ZBTB20: variants seen among roughly 807,000 people sequenced by gnomAD.
ZBTB20 encodes the protein zinc finger and BTB domain-containing protein 20.
A neutral mutation model predicts 56.9 loss-of-function variants in ZBTB20; 9 were observed. The ratio of observed to expected loss-of-function variants is 0.16; its 90% CI spans 0.10 to 0.28. ZBTB20 has a LOEUF of 0.28. ZBTB20 is among the 10% of genes least tolerant of loss of function. ZBTB20 has a pLI of 1.00. For synonymous variants in ZBTB20, 417 were observed against 420.7 expected, an observed-to-expected ratio of 0.99 and a Z score of 0.11; for missense variants, 655 against 1,003.0, an observed-to-expected ratio of 0.65 and a Z score of 4.69.
chr3:114,503,079 G>T, intron 6 of ZBTB20, among the ~76,000 whole-genome samples: 1 of 152,122 alleles, frequency 6.6e-6, no homozygotes. Context: ...TTAAATTTTT[G>T]ATGTGATCAA....
intron 6 of ZBTB20, among the ~76,000 whole-genome samples, chr3:114,555,767 T>C (rs186403782): frequency 1.5e-4 from 23 of 152,226 alleles, no homozygotes; most frequent in Admixed American, 1.4e-3. Context: ...GGCTGGTATG[T>C]GCATCATGAA....
chr3:114,381,972 A>G (rs559161553), intron 8 of ZBTB20, among the ~76,000 whole-genome samples: 1 of 152,350 alleles, frequency 6.6e-6, no homozygotes, highest in South Asian at 2.1e-4. Context: ...TTGAGTGTCT[A>G]CATGGACCCT....
At chr3:114,768,109 T>G (rs1477942367) in intron 5 of ZBTB20, among the ~76,000 whole-genome samples, 1 of 152,010 alleles carries the variant, frequency 6.6e-6, no homozygotes, top group Non-Finnish European at 1.5e-5. Flanking sequence ...CAAGCCATAA[T>G]AAATGGTTGG....
At chr3:114,354,062 A>G (rs1291668190) in intron 10 of ZBTB20, among the ~76,000 whole-genome samples, 1 of 152,200 alleles carries the variant, frequency 6.6e-6, no homozygotes, top group African/African-American at 2.4e-5. Flanking sequence ...ACCTCCAGCT[A>G]CTTCTATACC....
chr3:114,900,459 T>C (rs994738983), intron 3 of ZBTB20, 117 bp from the exon 4 acceptor site: 5 of 151,722 alleles, frequency 3.3e-5, no homozygotes, highest in African/African-American at 1.2e-4. Context: ...AAGAGGTAAA[T>C]TATTTTTTAT....
chr3:115,146,968 A>C (rs1282436697), intron 1 of ZBTB20, among the ~76,000 whole-genome samples: 1 of 150,026 alleles, frequency 6.7e-6, no homozygotes, highest in African/African-American at 2.4e-5. Context: ...GGCGCTAAGA[A>C]GGGCGCCGGG....
intron 6 of ZBTB20, among the ~76,000 whole-genome samples, chr3:114,620,406 C>T (rs774707210): frequency 3.0e-4 from 45 of 152,134 alleles, no homozygotes; most frequent in Non-Finnish European, 4.7e-4. Flanking sequence ...GATTCTCCTG[C>T]CTCAGCCTCC....
At chr3:114,785,379 C>A (rs1187604279) in intron 5 of ZBTB20, among the ~76,000 whole-genome samples, 1 of 152,050 alleles carries the variant, frequency 6.6e-6, no homozygotes, top group Non-Finnish European at 1.5e-5. Context: ...AAATTATATT[C>A]TCTTTGTACG....
At chr3:114,499,074 G>T (rs1412678411) in intron 7 of ZBTB20, among the ~76,000 whole-genome samples, 1 of 152,196 alleles carries the variant, frequency 6.6e-6, no homozygotes, top group South Asian at 2.1e-4. Flanking sequence ...AGGTAACTGA[G>T]GGGAGGGCTG....
At chr3:114,522,220 A>G (rs147767928) in intron 6 of ZBTB20, among the ~76,000 whole-genome samples, 1 of 152,284 alleles carries the variant, frequency 6.6e-6, no homozygotes, top group African/African-American at 2.4e-5. Context: ...AATTGAGCAA[A>G]GACCTGAAGA....
chr3:114,627,810 A>C (rs1262890510), intron 6 of ZBTB20, among the ~76,000 whole-genome samples: 1 of 152,142 alleles, frequency 6.6e-6, no homozygotes, highest in Non-Finnish European at 1.5e-5. Context: ...TCCCAGATTG[A>C]TTTCCAGCTC....
chr3:114,690,434 A>T (rs924715878), intron 6 of ZBTB20, among the ~76,000 whole-genome samples: 10 of 152,104 alleles, frequency 6.6e-5, no homozygotes, highest in Admixed American at 2.6e-4. Flanking sequence ...ATAGTCACTG[A>T]CCTACAATTC....
chr3:114,461,758 G>A (rs1317281732), intron 7 of ZBTB20, among the ~76,000 whole-genome samples: 1 of 152,184 alleles, frequency 6.6e-6, no homozygotes, highest in Non-Finnish European at 1.5e-5. Flanking sequence ...AACTTATTGT[G>A]TCTTATTCTA....
intron 1 of ZBTB20, among the ~76,000 whole-genome samples, chr3:115,076,861 A>G (rs1241170389): frequency 6.6e-6 from 1 of 152,166 alleles, no homozygotes; most frequent in African/African-American, 2.4e-5. Flanking sequence ...TGGTTTTGGG[A>G]TGAAACTGTT....
intron 6 of ZBTB20, among the ~76,000 whole-genome samples, chr3:114,660,862 G>C (rs1358002945): frequency 6.6e-6 from 1 of 152,030 alleles, no homozygotes; most frequent in African/African-American, 2.4e-5. Context: ...CAAGGAACTA[G>C]ATAAATAGAT....
intron 6 of ZBTB20, among the ~76,000 whole-genome samples, chr3:114,598,607 A>T (rs1433411583): frequency 6.6e-6 from 1 of 152,078 alleles, no homozygotes; most frequent in Non-Finnish European, 1.5e-5. Flanking sequence ...TTTTACTTCT[A>T]ATTACATATT....
At position 114,357,985 on chromosome 3, in the gene ZBTB20, AGTTTACAACT is replaced by A. The variant is rs2081423630; in HGVS notation, c.200-6117_200-6108del. On this transcript the variant is annotated intron_variant, in intron 10 of 11. Coordinates refer to ENST00000675478, the MANE Select transcript of ZBTB20 (RefSeq NM_001348800.3). ...GAAATCTGGATTATGACAGACATAT[AGTTTACAACT>A]GTTGAAGCTAACTATTATTTAGCAA... is the stretch of plus-strand genomic sequence containing the variant. 5.9e-5 allele frequency among the ~76,000 whole-genome samples: 9 copies of A among 152,350 alleles called. No homozygotes were observed. The South Asian group carries it at 1.9e-3, about 32-fold the overall frequency.
chr3:114,887,270 A>G (rs1432971619), intron 4 of ZBTB20, among the ~76,000 whole-genome samples: 1 of 152,150 alleles, frequency 6.6e-6, no homozygotes, highest in Non-Finnish European at 1.5e-5. Flanking sequence ...AAAAATTCAA[A>G]CCATAGCAGT....
chr3:114,573,481 G>C (rs1040413653), intron 6 of ZBTB20, among the ~76,000 whole-genome samples: 5 of 122,838 alleles, frequency 4.1e-5, no homozygotes, highest in African/African-American at 1.5e-4. Context: ...AAAAAAGAAA[G>C]AAAGACAGAA....
Sources: allele counts gnomAD v4.1 joint callset (sites outside exome capture counted in the v4.1 genomes callset), GRCh38; gene constraint gnomAD v4.1.1; transcripts MANE v1.5; gene names NCBI Gene and HGNC (gene_info 2026-07-23, HGNC 2026-07-21).